The following LYST variants were observed in gnomAD, a reference collection of about 807,000 sequenced individuals.
The protein encoded by LYST is lysosomal-trafficking regulator.
LYST carries 192 observed loss-of-function variants against 413.6 expected under a neutral mutation model. That is an observed-to-expected ratio of 0.46 (90% CI 0.41 to 0.52). The LOEUF is 0.52. LYST is among the 20% of genes least tolerant of loss of function. The pLI, the probability that LYST is intolerant of heterozygous loss-of-function variation, is 0.00. For synonymous variants in LYST, 1,525 were observed against 1,567.3 expected (o/e 0.97, Z 0.64); for missense variants, 3,815 against 4,499.9 (o/e 0.85, Z 4.35).
intron 40 of LYST, among the ~76,000 whole-genome samples, chr1:235,718,831 A>G (rs1663078528): frequency 6.6e-6 from 1 of 152,142 alleles, no homozygotes; most frequent in Admixed American, 6.5e-5. Flanking sequence ...TTGGTGCCCT[A>G]TTACCTCTAA....
chr1:235,738,407 T>G, intron 31 of LYST: 4 of 1,613,578 alleles, frequency 2.5e-6, no homozygotes, highest in Non-Finnish European at 3.4e-6. Context: ...GCTTATTGTT[T>G]CAAATCCAGT....
At chr1:235,703,118 T>C (rs887257051) in intron 44 of LYST, 141 bp from the exon 45 acceptor site, 4 of 670,832 alleles carry the variant, frequency 6.0e-6, no homozygotes, top group Non-Finnish European at 1.1e-5. Flanking sequence ...CAATCACTCA[T>C]GGTCTCACTG....
At chr1:235,757,097 T>C (rs983872268) in intron 24 of LYST, among the ~76,000 whole-genome samples, 184 bp downstream of exon 24, 2 of 152,058 alleles carry the variant, frequency 1.3e-5, no homozygotes, top group African/African-American at 4.8e-5. Flanking sequence ...CCTGTATCCC[T>C]AAAGCTATCA....
intron 1 of LYST, among the ~76,000 whole-genome samples, chr1:235,882,650 T>TG (rs1681428389): frequency 6.6e-6 from 1 of 151,848 alleles, no homozygotes; most frequent in Non-Finnish European, 1.5e-5. Context: ...AGGTGGTGAG[T>TG]GGAAGCTAAC....
chr1:235,865,067 T>C (rs944883314), intron 1 of LYST, among the ~76,000 whole-genome samples: 2 of 152,204 alleles, frequency 1.3e-5, no homozygotes, highest in Admixed American at 1.3e-4. Flanking sequence ...TCTTTGACTT[T>C]ATTTCTACTC....
intron 45 of LYST, among the ~76,000 whole-genome samples, chr1:235,698,048 G>A (rs1404541459): frequency 6.6e-6 from 1 of 152,054 alleles, no homozygotes. Flanking sequence ...GAAAAGACAT[G>A]ATGCCCTTTT....
intron 46 of LYST, among the ~76,000 whole-genome samples, chr1:235,694,572 C>A (rs992104220): frequency 6.6e-6 from 1 of 152,156 alleles, no homozygotes; most frequent in African/African-American, 2.4e-5. Flanking sequence ...ATAAATATTT[C>A]TTGAATGAAT....
chr1:235,867,603 G>A (rs1367487718), upstream of LYST, among the ~76,000 whole-genome samples: 1 of 152,154 alleles, frequency 6.6e-6, no homozygotes, highest in Admixed American at 6.5e-5. Context: ...TGCCCTAATA[G>A]ACCAGTCCCT....
chr1:235,681,883 A>G (rs1659843911), intron 48 of LYST, among the ~76,000 whole-genome samples: 1 of 151,602 alleles, frequency 6.6e-6, no homozygotes, highest in Non-Finnish European at 1.5e-5. Context: ...CAGTTCATTA[A>G]TTCTGTAATC....
At chr1:235,733,718 G>A in intron 33 of LYST, 27 bp from the exon 34 acceptor site, 1 of 1,572,394 alleles carries the variant, frequency 6.4e-7, no homozygotes. Flanking sequence ...ATTGTCCATA[G>A]TTAAGCATAC....
Position 235,775,079 on chromosome 1 carries a change from T to C in LYST, c.5468A>G (p.Glu1823Gly). ...TTGAGTTTCTTCACAGCTACTGAGTTCAACAACCTAAAAAAAAAAATGGGT... is the reference window on the plus strand; with the variant it reads ...TTGAGTTTCTTCACAGCTACTGAGTCCAACAACCTAAAAAAAAAAATGGGT... ...IFVFLFARVV[E>G]LSSCEETQAL... is the part of the protein sequence containing the mutation. The change falls in exon 18 of 53, where the codon GAA (glutamate) becomes GGA (glycine). Residue 1823 changes from glutamate to glycine, a missense_variant. Physicochemically the swap from Glu to Gly is moderately conservative, Grantham distance 98. This residue lies in a region of LYST where 530 missense variants were observed against 696.5 expected (regional missense o/e 0.76). Coordinates refer to ENST00000389793, the MANE Select transcript of LYST (RefSeq NM_000081.4). 6.2e-7 allele frequency: 1 copy of C among 1,610,430 alleles called. No individual in the cohort carries two copies.
intron 28 of LYST, chr1:235,747,183 T>A (rs1387025891): frequency 4.5e-6 from 2 of 442,804 alleles, no homozygotes; most frequent in Non-Finnish European, 9.1e-6. Context: ...CTCCAGGAGG[T>A]ACAACACAGG....
intron 36 of LYST, 105 bp from the exon 37 acceptor site, chr1:235,729,762 T>TTTTTTCC: frequency 1.3e-6 from 1 of 796,714 alleles, no homozygotes; most frequent in Non-Finnish European, 2.2e-6. Context: ...GCAGACTAGA[T>TTTTTTCC]AGAGTTCCAA....
intron 44 of LYST, among the ~76,000 whole-genome samples, chr1:235,708,570 C>T (rs1662166877): frequency 1.3e-5 from 2 of 152,156 alleles, no homozygotes; most frequent in Admixed American, 6.5e-5. Flanking sequence ...CCTTCTGAGG[C>T]TGGAATTTCA....
At chr1:235,850,362 T>C (rs1268987036) in intron 1 of LYST, among the ~76,000 whole-genome samples, 3 of 152,124 alleles carry the variant, frequency 2.0e-5, no homozygotes, top group Admixed American at 1.3e-4. Flanking sequence ...TCTCACCTTA[T>C]ACAAAAAATC....
At chr1:235,803,159 ATTTTCTTG>A in intron 7 of LYST, 95 bp from the exon 8 acceptor site, 1 of 1,016,798 alleles carries the variant, frequency 9.8e-7, no homozygotes, top group African/African-American at 1.6e-5. Context: ...CAGTTTCAAT[ATTTTCTTG>A]AAGAAAAAAA....
Position 235,720,912 on chromosome 1 carries a change from G to C in LYST, c.9316-7C>G. 6.2e-7 allele frequency: 1 copy of C among 1,613,036 alleles called. No individual in the cohort carries two copies. The highest frequency in any genetic ancestry group is 8.5e-7 in the Non-Finnish European group (1 of 1,179,346). On this transcript the variant is annotated splice_polypyrimidine_tract_variant and splice_region_variant and intron_variant, in intron 39 of 52. Transcript: ENST00000389793. ...GGTATACATCATCACGAACCTAAAA[G>C]GGAAGGAGAAGAAAAAAACCCAGAT... is the stretch of plus-strand genomic sequence containing the variant.
chr1:235,677,210 T>G (rs1659449098), intron 49 of LYST, 22 bp from the exon 50 acceptor site: 2 of 1,500,104 alleles, frequency 1.3e-6, no homozygotes, highest in Non-Finnish European at 1.9e-6. Context: ...AAGACATGAA[T>G]TTGTATATGA....
upstream of LYST, among the ~76,000 whole-genome samples, chr1:235,867,133 G>C (rs553455878): frequency 2.0e-5 from 3 of 152,340 alleles, no homozygotes; most frequent in East Asian, 5.8e-4. Context: ...CAGGGGGGCG[G>C]GCCGACCCGC....
Sources: allele counts gnomAD v4.1 joint callset (sites outside exome capture counted in the v4.1 genomes callset), GRCh38; gene constraint gnomAD v4.1.1; regional missense constraint gnomAD v4.1.1; transcripts MANE v1.5; gene names NCBI Gene and HGNC (gene_info 2026-07-23, HGNC 2026-07-21).